FHIT: variants seen among roughly 807,000 people sequenced by gnomAD.
FHIT encodes fragile histidine triad diadenosine triphosphatase, also known as bis(5'-adenosyl)-triphosphatase.
In FHIT, 19 loss-of-function variants were observed where a neutral mutation model predicts 17.9. That is an observed-to-expected ratio of 1.06 (90% CI 0.74 to 1.56). The LOEUF (loss-of-function observed/expected upper bound fraction) is 1.56. Ranked by LOEUF, FHIT falls within the 40% of genes most tolerant of loss-of-function variation. FHIT has a pLI of 0.00. For synonymous variants in FHIT, 81 were observed against 69.7 expected (o/e 1.16, Z -0.81); for missense variants, 248 against 189.2 (o/e 1.31, Z -1.82).
At chr3:60,700,362 T>C (rs1304815873) in intron 4 of FHIT, among the ~76,000 whole-genome samples, 3 of 152,210 alleles carry the variant, frequency 2.0e-5, no homozygotes, top group Admixed American at 2.0e-4. Context: ...AACGGTCTCA[T>C]ATCGTTCCAA....
At chr3:60,377,626 C>A (rs868766408) in intron 5 of FHIT, among the ~76,000 whole-genome samples, 4 of 150,194 alleles carry the variant, frequency 2.7e-5, no homozygotes, top group African/African-American at 7.4e-5. Flanking sequence ...GGACTACAGG[C>A]GCCCGCCACC....
chr3:60,776,735 A>G (rs1268194105), intron 4 of FHIT, among the ~76,000 whole-genome samples: 1 of 152,238 alleles, frequency 6.6e-6, no homozygotes, highest in Non-Finnish European at 1.5e-5. Flanking sequence ...TGAATCCACT[A>G]GAAATAGATT....
chr3:59,793,596 C>T (rs1418234360), intron 8 of FHIT, among the ~76,000 whole-genome samples: 1 of 152,154 alleles, frequency 6.6e-6, no homozygotes, highest in Non-Finnish European at 1.5e-5. Flanking sequence ...GAAGCTCAGT[C>T]CTTGCGAGAA....
At chr3:61,089,520 G>A (rs1345052930) in intron 2 of FHIT, among the ~76,000 whole-genome samples, 2 of 152,058 alleles carry the variant, frequency 1.3e-5, no homozygotes, top group Non-Finnish European at 2.9e-5. Context: ...ATTGTACTTA[G>A]CATGTTTTTA....
At chr3:60,822,348 G>T (rs1403835802) in intron 3 of FHIT, among the ~76,000 whole-genome samples, 1 of 152,134 alleles carries the variant, frequency 6.6e-6, no homozygotes, top group Non-Finnish European at 1.5e-5. Context: ...TGGCACTGGG[G>T]CTTTCCATTT....
At chr3:60,505,986 A>G (rs759203224) in intron 5 of FHIT, among the ~76,000 whole-genome samples, 3 of 152,198 alleles carry the variant, frequency 2.0e-5, no homozygotes, top group Non-Finnish European at 4.4e-5. Flanking sequence ...GCCATTTGTA[A>G]AAGTCTGGTT....
intron 4 of FHIT, among the ~76,000 whole-genome samples, chr3:60,664,333 T>C (rs1297646002): frequency 1.3e-5 from 2 of 152,116 alleles, no homozygotes; most frequent in Non-Finnish European, 2.9e-5. Flanking sequence ...TAAATCCTAC[T>C]TCATCATATT....
chr3:60,744,263 C>CAAAAAAAAAAAAAAAAAAAAAAAAAA (rs1201886354), intron 4 of FHIT, among the ~76,000 whole-genome samples: 1 of 85,982 alleles, frequency 1.2e-5, no homozygotes, highest in Non-Finnish European at 2.3e-5. Context: ...AAAAACAAAA[C>CAAAAAAAAAAAAAAAAAAAAAAAAAA]AAAACAAAAA....
At chr3:60,472,536 T>A (rs2033141735) in intron 5 of FHIT, among the ~76,000 whole-genome samples, 1 of 151,940 alleles carries the variant, frequency 6.6e-6, no homozygotes, top group African/African-American at 2.4e-5. Context: ...GCCGGGCTAA[T>A]TTTTTTGTGT....
At chr3:60,058,072 G>C (rs558090733) in intron 5 of FHIT, among the ~76,000 whole-genome samples, 2 of 151,772 alleles carry the variant, frequency 1.3e-5, no homozygotes, top group Admixed American at 6.6e-5. Context: ...CAGGGGCTGG[G>C]GGAGGGAGAA....
intron 4 of FHIT, among the ~76,000 whole-genome samples, chr3:60,647,094 T>C (rs1382849292): frequency 6.6e-6 from 1 of 152,170 alleles, no homozygotes; most frequent in East Asian, 1.9e-4. Context: ...TCCATATCCC[T>C]ACATGGCCCT....
chr3:59,942,097 T>C, intron 7 of FHIT, among the ~76,000 whole-genome samples: 1 of 152,192 alleles, frequency 6.6e-6, no homozygotes, highest in East Asian at 1.9e-4. Context: ...CCCTGTTAAC[T>C]ATTCACATCG....
At chr3:60,855,141 TCTC>T (rs1158990044) in intron 3 of FHIT, among the ~76,000 whole-genome samples, 1 of 152,142 alleles carries the variant, frequency 6.6e-6, no homozygotes, top group Admixed American at 6.6e-5. Flanking sequence ...CAAAATGTAT[TCTC>T]CTTCTTCTCT....
At chr3:60,234,421 T>A (rs945968605) in intron 5 of FHIT, among the ~76,000 whole-genome samples, 1 of 152,210 alleles carries the variant, frequency 6.6e-6, no homozygotes, top group Non-Finnish European at 1.5e-5. Context: ...AATATATCCA[T>A]ACACAATACA....
At chr3:60,017,614 T>C (rs373631923) in intron 5 of FHIT, among the ~76,000 whole-genome samples, 4 of 152,330 alleles carry the variant, frequency 2.6e-5, no homozygotes, top group East Asian at 3.9e-4. Context: ...CACAAGAGAC[T>C]ACCAGAAACT....
At chr3:60,651,116 CTTTA>C (rs1348255306) in intron 4 of FHIT, among the ~76,000 whole-genome samples, 2 of 151,746 alleles carry the variant, frequency 1.3e-5, no homozygotes, top group East Asian at 1.9e-4. Flanking sequence ...TTTATTTTTT[CTTTA>C]TTTATGTCAT....
intron 5 of FHIT, among the ~76,000 whole-genome samples, chr3:60,095,594 A>T (rs1302974585): frequency 6.6e-6 from 1 of 152,240 alleles, no homozygotes; most frequent in Non-Finnish European, 1.5e-5. Context: ...TTTGTTCACA[A>T]GACGACCAAG....
rs531658093 is a variant in FHIT, at chr3:60,158,527, G to C, written c.104-144375C>G. Among the ~76,000 whole-genome samples, 4 of 152,164 alleles carry C rather than the reference G, an allele frequency of 2.6e-5. No individual in the cohort carries two copies. The South Asian group carries it at 8.3e-4, about 32-fold the overall frequency. ...GGGTTTCACCATGTTGGCCAGGCTG[G>C]TCTCAAACTCCTGACCTCAGATGAT... On this transcript the variant is annotated intron_variant, in intron 5 of 9. Coordinates refer to ENST00000492590, the MANE Select transcript of FHIT (RefSeq NM_002012.4).
chr3:59,961,124 A>G (rs561685029), intron 7 of FHIT, among the ~76,000 whole-genome samples: 1 of 152,314 alleles, frequency 6.6e-6, no homozygotes, highest in South Asian at 2.1e-4. Flanking sequence ...TAAATTTACC[A>G]TGACTAATTG....
Sources: gnomAD v4.1 joint callset for allele counts (sites outside exome capture counted in the v4.1 genomes callset) on GRCh38, gnomAD v4.1.1 for gene constraint, MANE v1.5 for transcripts, NCBI Gene and HGNC (gene_info 2026-07-23, HGNC 2026-07-21) for gene names.